Variants in KIF13A observed in about 807,000 individuals in gnomAD.
KIF13A encodes the protein kinesin-like protein KIF13A.
In KIF13A, 79 loss-of-function variants were observed where a neutral mutation model predicts 212.2. The ratio of observed to expected loss-of-function variants is 0.37; its 90% CI spans 0.31 to 0.45. KIF13A has a LOEUF of 0.45. KIF13A is among the 20% of genes least tolerant of loss of function. The probability of loss-of-function intolerance (pLI) is 1.00; values close to 1 mark genes in which losing one functional copy is unlikely to be tolerated. For missense variants in KIF13A, 1,901 were observed against 2,209.0 expected (o/e 0.86, Z 2.79); for synonymous variants, 789 against 808.6 (o/e 0.98, Z 0.41).
chr6:17,943,352 C>T (rs1408688144), intron 2 of KIF13A, among the ~76,000 whole-genome samples: 1 of 151,824 alleles, frequency 6.6e-6, no homozygotes, highest in East Asian at 1.9e-4. Flanking sequence ...AGTGATTCTC[C>T]AATGTTAGTA....
At chr6:17,863,048 G>A (rs1398311204) in intron 4 of KIF13A, among the ~76,000 whole-genome samples, 1 of 152,142 alleles carries the variant, frequency 6.6e-6, no homozygotes, top group Admixed American at 6.5e-5. Context: ...AGTGAGCCAC[G>A]ATCGTGCCAC....
rs575245673 is a variant in KIF13A, at chr6:17,871,244, T to C, written c.220+2133A>G. On this transcript the variant is annotated intron_variant, in intron 4 of 38. Coordinates refer to ENST00000259711, the MANE Select transcript of KIF13A (RefSeq NM_022113.6). The surrounding 1 kb of genome is among the most constrained non-coding windows in gnomAD (Gnocchi z 4.4). Reference sequence around the variant, plus strand: ...ATCAGGCGATTTAATGTATGTGTTGTCTCAAATACTTATCTCCTCTATGTT... The same window carrying C: ...ATCAGGCGATTTAATGTATGTGTTGCCTCAAATACTTATCTCCTCTATGTT... Among the ~76,000 whole-genome samples the C allele has an allele frequency of 6.6e-6, 1 of 152,294 alleles. No individual in the cohort carries two copies. Among genetic ancestry groups the C allele is most frequent in the East Asian group, 1.9e-4 (1 of 5,186 alleles).
rs886653773 is a variant in KIF13A, at chr6:17,775,024, T to G, written c.4209A>C (p.Glu1403Asp). 8.7e-6 allele frequency: 14 copies of G among 1,611,498 alleles called. No individual in the cohort carries two copies. The African/African-American group carries it at 1.6e-4, about 18-fold the overall frequency. ...GCCCATAGGTGCATACCTTGTCATC[T>G]TCATCAAAGCCAGAAAGGTCCGGTC... Reference protein sequence around the residue: ...SSRPDLSGFDEDDKGWPENQL... With the variant: ...SSRPDLSGFDDDDKGWPENQL... The change falls in exon 35 of 39, where the codon GAA (glutamate) becomes GAC (aspartate). Residue 1403 changes from glutamate (E) to aspartate (D), a missense_variant. By Grantham distance (45) the Glu-to-Asp change is conservative. Transcript: ENST00000259711.
At chr6:17,910,078 T>G (rs1773903788) in intron 2 of KIF13A, among the ~76,000 whole-genome samples, 1 of 152,194 alleles carries the variant, frequency 6.6e-6, no homozygotes, top group South Asian at 2.1e-4. Context: ...CATACCTACA[T>G]GTAAGGTACA....
intron 29 of KIF13A, among the ~76,000 whole-genome samples, chr6:17,782,492 C>A (rs1283110135): frequency 6.6e-6 from 1 of 151,734 alleles, no homozygotes; most frequent in East Asian, 2.0e-4. Context: ...AAAAATTGGC[C>A]AGGCATGGTC....
Position 17,881,157 on chromosome 6 carries a change from GT to G in KIF13A, c.160-7721del, listed in dbSNP as rs554371853. 8.7e-4 allele frequency among the ~76,000 whole-genome samples: 132 copies of G among 152,204 alleles called. 2 individuals carry two copies. The highest frequency in any genetic ancestry group is 3.1e-3 in the African/African-American group (129 of 41,520). On this transcript the variant is annotated intron_variant, in intron 3 of 38. Transcript: ENST00000259711. The stretch of plus-strand genomic sequence containing the variant: ...CTCAGAATCCCACTCCTTCCTCTTA[GT>G]TTGCAACTTATAAAACTCATACCAG...
rs771685620 is a variant in KIF13A, at chr6:17,764,062, A to G, written c.*48T>C. ...ACAACTGGATGAATCTTTCCTACCA[A>G]GTTGTTGCGGTGAAGGGCCTCTGGG... On this transcript the variant is annotated 3_prime_UTR_variant, in exon 39 of 39. Transcript: ENST00000259711. The surrounding 1 kb of genome is among the most constrained non-coding windows in gnomAD (Gnocchi z 5.1). 1 of 1,571,788 alleles carries G rather than the reference A, an allele frequency of 6.4e-7. No homozygotes were observed. The highest frequency in any genetic ancestry group is 8.6e-7 in the Non-Finnish European group (1 of 1,158,294).
At chr6:17,925,722 AT>A (rs1215930834) in intron 2 of KIF13A, among the ~76,000 whole-genome samples, 1 of 152,206 alleles carries the variant, frequency 6.6e-6, no homozygotes, top group Non-Finnish European at 1.5e-5. Context: ...TCAACACTTA[AT>A]AAAGAACATG....
intron 2 of KIF13A, among the ~76,000 whole-genome samples, chr6:17,924,961 G>A (rs985823463): frequency 2.0e-5 from 3 of 152,148 alleles, no homozygotes; most frequent in Non-Finnish European, 4.4e-5. Flanking sequence ...TATCTAAAAA[G>A]ACAGGAGACA....
Position 17,808,867 on chromosome 6 carries a change from C to A in KIF13A, c.2064G>T (p.Leu688Phe), listed in dbSNP as rs370516567. The A allele has an allele frequency of 1.1e-4, 171 of 1,613,566 alleles. No homozygotes were observed. Among genetic ancestry groups the A allele is most frequent in the Non-Finnish European group, 1.4e-4 (162 of 1,179,790 alleles). ...CAGCCAGGAAGTTTGCTTCCCTCAC[C>A]AAGGTATTAGCTTTAACCAGCTGCT... is the stretch of plus-strand genomic sequence containing the variant. ...LREQLVKANT[L>F]VREANFLAEE... The change falls in exon 18 of 39, where the codon TTG (leucine) becomes TTT (phenylalanine). Residue 688 changes from leucine (L) to phenylalanine (F), a missense_variant. Coordinates refer to ENST00000259711, the MANE Select transcript of KIF13A (RefSeq NM_022113.6).
intron 16 of KIF13A, among the ~76,000 whole-genome samples, chr6:17,820,783 A>G (rs763198970): frequency 1.4e-4 from 22 of 152,196 alleles, no homozygotes; most frequent in Non-Finnish European, 2.1e-4. Context: ...CTTAGTAGGT[A>G]ACTATGCAAT....
intron 2 of KIF13A, among the ~76,000 whole-genome samples, chr6:17,953,041 G>A (rs1338567971): frequency 1.3e-5 from 2 of 152,112 alleles, no homozygotes; most frequent in Non-Finnish European, 2.9e-5. Context: ...TATTAATGAT[G>A]CTTTCTGGAG....
At chr6:17,765,452 G>C (rs1758859105) in intron 38 of KIF13A, among the ~76,000 whole-genome samples, 1 of 152,136 alleles carries the variant, frequency 6.6e-6, no homozygotes, top group Non-Finnish European at 1.5e-5. Context: ...GGGGAGAAGA[G>C]AGTAAAACAA....
chr6:17,885,111 T>C (rs889039828), intron 3 of KIF13A, among the ~76,000 whole-genome samples: 12 of 150,844 alleles, frequency 8.0e-5, no homozygotes, highest in Non-Finnish European at 1.6e-4. Context: ...GTTGTGAAGA[T>C]TCATAAAAGA....
rs976451837 is a variant in KIF13A, at chr6:17,811,502, A to G, written c.2001-2572T>C. 6.6e-6 allele frequency among the ~76,000 whole-genome samples: 1 copy of G among 152,216 alleles called. No homozygotes were observed. Among genetic ancestry groups the G allele is most frequent in the East Asian group, 1.9e-4 (1 of 5,198 alleles). On this transcript the variant is annotated intron_variant, in intron 17 of 38. Transcript: ENST00000259711. This position sits in a 1 kb window ranked among gnomAD's most constrained non-coding sequence, Gnocchi z 6.0. Reference sequence around the variant, plus strand: ...TGACTTAATTTTTCCACAAATTTATATCTTGTTTCATACTACATTCTAAGT... The same window carrying G: ...TGACTTAATTTTTCCACAAATTTATGTCTTGTTTCATACTACATTCTAAGT...
rs995858530 is a variant in KIF13A, at chr6:17,777,113, C to T, written c.4170+164G>A. The stretch of plus-strand genomic sequence containing the variant: ...GAACAAATGGCTCAGTCTTAGACAA[C>T]TGTGCTGCCTGGTGTGTGTCCCTGG... On this transcript the variant is annotated intron_variant, in intron 34 of 38. Coordinates refer to ENST00000259711, the MANE Select transcript of KIF13A (RefSeq NM_022113.6). This position sits in a 1 kb window ranked among gnomAD's most constrained non-coding sequence, Gnocchi z 4.4. Among the ~76,000 whole-genome samples the T allele has an allele frequency of 6.6e-6, 1 of 152,236 alleles. No homozygotes were observed. Among genetic ancestry groups the T allele is most frequent in the African/African-American group, 2.4e-5 (1 of 41,470 alleles).
At position 17,829,286 on chromosome 6, in the gene KIF13A, T is replaced by A. The variant is rs1050368645; in HGVS notation, c.1402-916A>T. On this transcript the variant is annotated intron_variant, in intron 13 of 38. Transcript: ENST00000259711. The surrounding 1 kb of genome is among the most constrained non-coding windows in gnomAD (Gnocchi z 5.4). ...ACATACAACCCTTAGCCCTCAGGGC[T>A]ATAATATCATTACATGTCTCATAGA... Among the ~76,000 whole-genome samples the A allele has an allele frequency of 6.6e-6, 1 of 152,256 alleles. No individual in the cohort carries two copies. The highest frequency in any genetic ancestry group is 6.5e-5 in the Admixed American group (1 of 15,278).
intron 17 of KIF13A, chr6:17,815,699 T>A (rs1023141429): frequency 5.5e-6 from 2 of 365,444 alleles, no homozygotes; most frequent in Non-Finnish European, 1.1e-5. Context: ...TAATGATTAA[T>A]GATATTCATA....
rs776853442 is a variant in KIF13A, at chr6:17,787,895, A to T, written c.3262-20T>A. 7.1e-7 allele frequency: 1 copy of T among 1,400,824 alleles called. No individual in the cohort carries two copies. The highest frequency in any genetic ancestry group is 1.0e-6 in the Non-Finnish European group (1 of 985,954). The allele number at this position is 1,400,824 out of a possible 1,614,324, so 86.8% of individuals were successfully genotyped here. On this transcript the variant is annotated intron_variant, in intron 26 of 38. Coordinates refer to ENST00000259711, the MANE Select transcript of KIF13A (RefSeq NM_022113.6). The surrounding 1 kb of genome is among the most constrained non-coding windows in gnomAD (Gnocchi z 4.6). ...TTCTTCCTAACATCAGGGAGGGAAA[A>T]TATTTTCCTGTAGACTGCACAGACA...
Sources: allele counts gnomAD v4.1 joint callset (sites outside exome capture counted in the v4.1 genomes callset), GRCh38; gene constraint gnomAD v4.1.1; non-coding constraint Gnocchi (gnomAD v3.1); transcripts MANE v1.5; gene names NCBI Gene and HGNC (gene_info 2026-07-23, HGNC 2026-07-21).